The following CHST12 variants were observed in gnomAD, a reference collection of about 807,000 sequenced individuals.
CHST12 encodes carbohydrate (chondroitin 4) sulfotransferase 12.
Under a neutral mutation model 27.9 loss-of-function variants are expected in CHST12, and 23 were observed. The observed-to-expected ratio is 0.82, with a 90% CI of 0.59 to 1.17. CHST12 has a LOEUF of 1.17. Among genes scored for constraint, CHST12 ranks in the 50% most tolerant of loss-of-function variants. CHST12 has a pLI of 0.00. For missense variants in CHST12, 682 were observed against 603.0 expected, an observed-to-expected ratio of 1.13 and a Z score of -1.37; for synonymous variants, 322 against 273.0, an observed-to-expected ratio of 1.18 and a Z score of -1.77.
chr7:2,433,375 G>T lies in CHST12; in HGVS notation c.736G>T (p.Asp246Tyr). ...GTACACCAAGTTCCTCTTCGTGCGC[G>T]ACCCCTTCGTGCGCCTGATCTCCGC... The part of the protein sequence containing the change: ...KKYTKFLFVR[D>Y]PFVRLISAFR... The change falls in exon 2 of 2, where the codon GAC (aspartate) becomes TAC (tyrosine). Residue 246 changes from aspartate to tyrosine, a missense_variant. Asp to Tyr is a radical substitution (Grantham distance 160). Coordinates refer to ENST00000618655, the MANE Select transcript of CHST12 (RefSeq NM_018641.5). The surrounding 1 kb of genome is among the most constrained non-coding windows in gnomAD (Gnocchi z 6.1). 6.2e-7 allele frequency: 1 copy of T among 1,610,544 alleles called. No homozygotes were observed. The highest frequency in any genetic ancestry group is 1.1e-5 in the South Asian group (1 of 91,084).
chr7:2,424,890 GAGGAGC>G (rs1411988301), intron 1 of CHST12, among the ~76,000 whole-genome samples: 1 of 152,150 alleles, frequency 6.6e-6, no homozygotes, highest in Non-Finnish European at 1.5e-5. Flanking sequence ...TGCCCCCGTG[GAGGAGC>G]AGGAGGAGGA....
At chr7:2,426,561 T>TCCTTGCCTTGTTCATGATCTTGG (rs1293989099) in intron 1 of CHST12, among the ~76,000 whole-genome samples, 1 of 151,628 alleles carries the variant, frequency 6.6e-6, no homozygotes, top group East Asian at 1.9e-4. Context: ...TAGACAGATG[T>TCCTTGCCTTGTTCATGATCTTGG]CCTTGCCTTG....
At chr7:2,427,319 T>G (rs1386663019) in intron 1 of CHST12, among the ~76,000 whole-genome samples, 3 of 152,106 alleles carry the variant, frequency 2.0e-5, no homozygotes, top group Admixed American at 2.0e-4. Context: ...GTTAACATGG[T>G]GAGACCACAA....
intron 1 of CHST12, among the ~76,000 whole-genome samples, chr7:2,425,691 C>CTTTTTTTTTTTTTTTTTTTTTTTTTTT (rs760502452): frequency 2.9e-5 from 4 of 137,880 alleles, no homozygotes; most frequent in African/African-American, 8.1e-5. Flanking sequence ...ACTGCATTTG[C>CTTTTTTTTTTTTTTTTTTTTTTTTTTT]TTTTTTTTTT....
rs1157772920 is a variant in CHST12, at chr7:2,403,639, GCGCGAGGTGAGGGGCGCGAGGTGAGGGT to G, written c.-93_-78+12del. 21 of 151,766 alleles carry G rather than the reference GCGCGAGGTGAGGGGCGCGAGGTGAGGGT, an allele frequency of 1.4e-4. No homozygotes were observed. The highest frequency in any genetic ancestry group is 4.3e-4 in the African/African-American group (17 of 39,098). The allele number at this position is 151,766 out of a possible 1,614,324, so 9.4% of individuals were successfully genotyped here. On this transcript the variant is annotated 5_prime_UTR_variant, in exon 1 of 2. Coordinates refer to ENST00000618655, the MANE Select transcript of CHST12 (RefSeq NM_018641.5). ...CGCGGGGCGGCGGCGGCGGCTGCGG[GCGCGAGGTGAGGGGCGCGAGGTGAGGGT>G]CGCGAGGTGAGGGGCGCGGCGGGCG...
chr7:2,418,229 T>C (rs554019616), intron 1 of CHST12, among the ~76,000 whole-genome samples: 3 of 152,366 alleles, frequency 2.0e-5, no homozygotes, highest in Non-Finnish European at 2.9e-5. Flanking sequence ...CAAAGAAATA[T>C]TTAACAGCCC....
chr7:2,422,162 C>T (rs1781991944), intron 1 of CHST12, among the ~76,000 whole-genome samples: 1 of 152,162 alleles, frequency 6.6e-6, no homozygotes. Flanking sequence ...GCTTCACTCT[C>T]CTCGTTAGTC....
rs913413022 is a variant in CHST12, at chr7:2,447,283, G to T, written c.*13399G>T. 2 of 152,242 alleles carry T rather than the reference G, an allele frequency of 1.3e-5. No individual in the cohort carries two copies. The highest frequency in any genetic ancestry group is 4.8e-5 in the African/African-American group (2 of 41,442). The allele number at this position is 152,242 out of a possible 1,614,324, so 9.4% of individuals were successfully genotyped here. ...ATCCCGGCCACTGGCTTCCTCCAAA[G>T]CCTCCTCCTCTTACATCAGCAAACC... On this transcript the variant is annotated 3_prime_UTR_variant, in exon 2 of 2. Transcript: ENST00000618655.
chr7:2,406,887 C>T (rs1781540540), intron 1 of CHST12, among the ~76,000 whole-genome samples: 1 of 151,974 alleles, frequency 6.6e-6, no homozygotes, highest in Non-Finnish European at 1.5e-5. Context: ...AACCAGAGAG[C>T]GTGCAGGAAG....
intron 1 of CHST12, among the ~76,000 whole-genome samples, chr7:2,426,197 C>T (rs915908206): frequency 6.6e-6 from 1 of 152,150 alleles, no homozygotes; most frequent in Non-Finnish European, 1.5e-5. Flanking sequence ...GAAGCCAAGG[C>T]AGGAAGGTGG....
chr7:2,413,684 CACTT>C (rs1781728510), intron 1 of CHST12, among the ~76,000 whole-genome samples: 1 of 150,996 alleles, frequency 6.6e-6, no homozygotes, highest in South Asian at 2.1e-4. Flanking sequence ...TTTTTACACT[CACTT>C]GCTGATGTAC....
At chr7:2,424,489 G>A (rs1053335563) in intron 1 of CHST12, among the ~76,000 whole-genome samples, 11 of 152,162 alleles carry the variant, frequency 7.2e-5, no homozygotes, top group African/African-American at 2.4e-4. Context: ...AGTCCAGTGC[G>A]TGAGAGGCAG....
chr7:2,435,816 G>C lies in CHST12; in HGVS notation c.*1932G>C, dbSNP rs991712519. 1 of 152,264 alleles carries C rather than the reference G, an allele frequency of 6.6e-6. No homozygotes were observed. Among genetic ancestry groups the C allele is most frequent in the African/African-American group, 2.4e-5 (1 of 41,430 alleles). The allele number at this position is 152,264 out of a possible 1,614,324, so 9.4% of individuals were successfully genotyped here. A position where few individuals can be genotyped will look rare whatever the true frequency, so the allele number is the denominator to read the frequency against. On this transcript the variant is annotated 3_prime_UTR_variant, in exon 2 of 2. Coordinates refer to ENST00000618655, the MANE Select transcript of CHST12 (RefSeq NM_018641.5). ...TGAAGCTTCGCTTTCTTTTATTTTT[G>C]TTTTGTTTTGTTTTTGGAGACAGGG...
rs989005972 is a variant in CHST12, at chr7:2,434,160, C to A, written c.*276C>A. On this transcript the variant is annotated 3_prime_UTR_variant, in exon 2 of 2. Transcript: ENST00000618655. ...CGCCCGCTCCTGTGGTTTTTCTGAG[C>A]GTGCGGGCGCCGGGAGGGGATGCTG... The A allele has an allele frequency of 1.5e-5, 4 of 262,440 alleles. No individual in the cohort carries two copies. The South Asian group carries it at 3.2e-4, about 21-fold the overall frequency. The allele number at this position is 262,440 out of a possible 1,614,324, so 16.3% of individuals were successfully genotyped here.
rs192249071 is a variant in CHST12, at chr7:2,434,384, C to T, written c.*500C>T. ...GTTTGAAGTCAAGTCAGAGGTAAAC[C>T]GGTCAGTTACAGAAGCAGGATTTCT... is the stretch of plus-strand genomic sequence containing the variant. On this transcript the variant is annotated 3_prime_UTR_variant, in exon 2 of 2. Transcript: ENST00000618655. 95 of 168,530 alleles carry T rather than the reference C, an allele frequency of 5.6e-4. 1 individual carries two copies. Among genetic ancestry groups the T allele is most frequent in the Middle Eastern group, 3.4e-3 (1 of 296 alleles). 10.4% of individuals were successfully genotyped at this position (168,530 alleles called of 1,614,324 possible).
At chr7:2,406,411 G>A (rs1781524321) in intron 1 of CHST12, among the ~76,000 whole-genome samples, 1 of 126,366 alleles carries the variant, frequency 7.9e-6, no homozygotes, top group Non-Finnish European at 1.7e-5. Flanking sequence ...AGTTGAGTAC[G>A]GGGTGGGGGA....
chr7:2,430,768 A>C (rs1782252024), intron 1 of CHST12, among the ~76,000 whole-genome samples: 1 of 151,950 alleles, frequency 6.6e-6, no homozygotes, highest in South Asian at 2.1e-4. Flanking sequence ...TTGTAATTTC[A>C]GTAGAGACAG....
intron 1 of CHST12, among the ~76,000 whole-genome samples, chr7:2,421,603 A>AT (rs1781978912): frequency 6.6e-6 from 1 of 151,810 alleles, no homozygotes; most frequent in African/African-American, 2.4e-5. Flanking sequence ...TGCCAGGCTA[A>AT]TTTTTTTATT....
chr7:2,425,900 GTC>G (rs1243684602), intron 1 of CHST12, among the ~76,000 whole-genome samples: 2 of 152,020 alleles, frequency 1.3e-5, no homozygotes, highest in Non-Finnish European at 2.9e-5. Flanking sequence ...ATTCTGGGGA[GTC>G]TGCACTCTGG....
Sources: allele counts gnomAD v4.1 joint callset (sites outside exome capture counted in the v4.1 genomes callset), GRCh38; gene constraint gnomAD v4.1.1; non-coding constraint Gnocchi (gnomAD v3.1); transcripts MANE v1.5; gene names NCBI Gene and HGNC (gene_info 2026-07-23, HGNC 2026-07-21).